HAO1: variants seen among roughly 807,000 people sequenced by gnomAD.
HAO1 encodes hydroxyacid oxidase 1.
In HAO1, 34 loss-of-function variants were observed where a neutral mutation model predicts 39.7. That is an observed-to-expected ratio of 0.86 (90% CI 0.65 to 1.14). HAO1 has a LOEUF of 1.14. HAO1 is among the 50% of genes most tolerant of loss of function. The pLI, the probability that HAO1 is intolerant of heterozygous loss-of-function variation, is 0.00. For synonymous variants in HAO1, 172 were observed against 173.2 expected (o/e 0.99, Z 0.05); for missense variants, 479 against 464.5 (o/e 1.03, Z -0.29).
intron 3 of HAO1, among the ~76,000 whole-genome samples, chr20:7,913,679 A>T (rs1445586307): frequency 6.6e-6 from 1 of 152,212 alleles, no homozygotes; most frequent in East Asian, 1.9e-4. Context: ...ATCTTGACCC[A>T]TGGATGAACC....
chr20:7,891,890 A>G (rs1396595376), intron 5 of HAO1, among the ~76,000 whole-genome samples: 1 of 152,140 alleles, frequency 6.6e-6, no homozygotes, highest in Non-Finnish European at 1.5e-5. Flanking sequence ...CTCCATACAC[A>G]AGTGAGTCAT....
At position 7,906,196 on chromosome 20, in the gene HAO1, T is replaced by C. The variant is rs768568249; in HGVS notation, c.679A>G (p.Arg227Gly). 1 of 1,613,436 alleles carries C rather than the reference T, an allele frequency of 6.2e-7. No individual in the cohort carries two copies. Among genetic ancestry groups the C allele is most frequent in the Non-Finnish European group, 8.5e-7 (1 of 1,179,378 alleles). The part of the protein sequence containing the change: ...ISWEDIKWLR[R>G]LTSLPIVAKG... ...GCAACAATTGGCAATGATGTCAGTC[T>C]TCTCAGCCATTTGATATCTTCCCAG... Residue 227 changes from arginine (R) to glycine (G), a missense_variant, in exon 4 of 8, where the codon AGA becomes GGA. Physicochemically the swap from Arg to Gly is moderately radical, Grantham distance 125. Coordinates refer to ENST00000378789, the MANE Select transcript of HAO1 (RefSeq NM_017545.3).
chr20:7,895,251 G>A (rs777411991), intron 4 of HAO1, 27 bp from the exon 5 acceptor site: 1 of 1,460,850 alleles, frequency 6.8e-7, no homozygotes. Context: ...AAGCACCTTA[G>A]GGAAACTGTA....
intron 5 of HAO1, among the ~76,000 whole-genome samples, chr20:7,893,169 T>C (rs1053722949): frequency 6.6e-6 from 1 of 152,036 alleles, no homozygotes; most frequent in Non-Finnish European, 1.5e-5. Flanking sequence ...TTCCCAAAAC[T>C]CTCCCACTCC....
At chr20:7,885,928 C>G in intron 5 of HAO1, 64 bp from the exon 6 acceptor site, 1 of 1,359,872 alleles carries the variant, frequency 7.4e-7, no homozygotes, top group Non-Finnish European at 1.0e-6. Flanking sequence ...AACTCCACCT[C>G]CAAAAACCAC....
chr20:7,906,587 G>GA lies in HAO1; in HGVS notation c.546-259dup, dbSNP rs145585970. On this transcript the variant is annotated intron_variant, in intron 3 of 7. Transcript: ENST00000378789. ...GTTTACACAAACAAATCTGTTTCAAGAAAAAAAAATGTGTTCATATTCAAA... is the reference window on the plus strand; with the variant it reads ...GTTTACACAAACAAATCTGTTTCAAGAAAAAAAAAATGTGTTCATATTCAAA... 1.2e-3 allele frequency among the ~76,000 whole-genome samples: 186 copies of GA among 150,466 alleles called. 2 individuals are homozygous for GA. Among genetic ancestry groups the GA allele is most frequent in the Admixed American group, 2.8e-3 (43 of 15,110 alleles).
At chr20:7,916,827 A>G (rs952934460) in intron 2 of HAO1, among the ~76,000 whole-genome samples, 1 of 152,200 alleles carries the variant, frequency 6.6e-6, no homozygotes, top group African/African-American at 2.4e-5. Flanking sequence ...GTTCTCCCAA[A>G]GAGTTCCTTC....
intron 2 of HAO1, among the ~76,000 whole-genome samples, chr20:7,934,179 C>G (rs527683168): frequency 3.7e-4 from 56 of 152,282 alleles, no homozygotes; most frequent in African/African-American, 1.3e-3. Context: ...CCCCTACTCT[C>G]TGCCATGAAC....
chr20:7,922,984 G>T (rs1396096663), intron 2 of HAO1, among the ~76,000 whole-genome samples: 2 of 152,018 alleles, frequency 1.3e-5, no homozygotes, highest in East Asian at 3.9e-4. Context: ...CCATAATAAA[G>T]ATTTCTATTA....
chr20:7,895,952 G>A (rs1252457483), intron 4 of HAO1, among the ~76,000 whole-genome samples: 2 of 151,992 alleles, frequency 1.3e-5, no homozygotes, highest in Non-Finnish European at 2.9e-5. Context: ...GGTGCCTGTA[G>A]TCCCAGCTAC....
In HAO1 at chr20:7,883,575, G is replaced by T; in HGVS notation, c.*18C>A. The T allele has an allele frequency of 6.3e-7, 1 of 1,589,660 alleles. No individual in the cohort carries two copies. Among genetic ancestry groups the T allele is most frequent in the Non-Finnish European group, 8.6e-7 (1 of 1,157,826 alleles). ...ATGCTGAAAAAAAATAATACAGATG[G>T]GAAAATATTGTGCACTGTCAGATCT... is the stretch of plus-strand genomic sequence containing the variant. On this transcript the variant is annotated 3_prime_UTR_variant, in exon 8 of 8. Transcript: ENST00000378789.
intron 2 of HAO1, among the ~76,000 whole-genome samples, chr20:7,918,117 G>A (rs1407919600): frequency 6.6e-6 from 1 of 152,194 alleles, no homozygotes; most frequent in Non-Finnish European, 1.5e-5. Flanking sequence ...GAATATCAGA[G>A]TCTGTGCTAA....
At chr20:7,925,807 A>T (rs573191603) in intron 2 of HAO1, among the ~76,000 whole-genome samples, 1 of 152,226 alleles carries the variant, frequency 6.6e-6, no homozygotes, top group East Asian at 1.9e-4. Context: ...GCCACCCAAT[A>T]GCTTAAATTT....
At chr20:7,925,148 G>GA (rs1157579625) in intron 2 of HAO1, among the ~76,000 whole-genome samples, 2 of 152,104 alleles carry the variant, frequency 1.3e-5, no homozygotes, top group African/African-American at 4.8e-5. Context: ...AGATTAACCA[G>GA]AAAAATAAAG....
At chr20:7,884,675 G>A (rs2050143044) in intron 7 of HAO1, among the ~76,000 whole-genome samples, 1 of 152,152 alleles carries the variant, frequency 6.6e-6, no homozygotes, top group Non-Finnish European at 1.5e-5. Flanking sequence ...CACATGGGCA[G>A]AATAAGTAAG....
intron 1 of HAO1, among the ~76,000 whole-genome samples, chr20:7,938,280 A>G (rs2235242): frequency 0.22 from 33,678 of 152,008 alleles, 4,034 homozygotes; most frequent in East Asian, 0.48. Context: ...CTAGCGAGTC[A>G]TACAGCAAAA....
intron 2 of HAO1, among the ~76,000 whole-genome samples, chr20:7,918,508 G>C (rs910799108): frequency 6.6e-6 from 1 of 152,140 alleles, no homozygotes; most frequent in Admixed American, 6.6e-5. Flanking sequence ...CAGCCCCCGA[G>C]TCTCTTCAAT....
chr20:7,884,335 A>T (rs2050141534), intron 7 of HAO1, among the ~76,000 whole-genome samples: 3 of 152,244 alleles, frequency 2.0e-5, no homozygotes, highest in Admixed American at 2.0e-4. Context: ...AAGGGGAAAC[A>T]GACAATATAT....
At chr20:7,925,776 C>G (rs1011098400) in intron 2 of HAO1, among the ~76,000 whole-genome samples, 4 of 152,100 alleles carry the variant, frequency 2.6e-5, no homozygotes, top group Admixed American at 2.6e-4. Flanking sequence ...TGAGAAGAAG[C>G]AATCTCATGC....
Sources: allele counts gnomAD v4.1 joint callset (sites outside exome capture counted in the v4.1 genomes callset), GRCh38; gene constraint gnomAD v4.1.1; transcripts MANE v1.5; gene names NCBI Gene and HGNC (gene_info 2026-07-23, HGNC 2026-07-21).